Variants in AKT3 observed in about 807,000 individuals in gnomAD.
The protein encoded by AKT3 is RAC-gamma serine/threonine-protein kinase.
Under a neutral mutation model 65.3 loss-of-function variants are expected in AKT3, and 15 were observed. That is an observed-to-expected ratio of 0.23 (90% CI 0.15 to 0.35). The LOEUF (loss-of-function observed/expected upper bound fraction) is 0.35, where lower values mean the gene tolerates loss of function less well. Ranked by LOEUF, AKT3 falls within the 10% of genes least tolerant of loss-of-function variation. AKT3 has a pLI of 1.00. For synonymous variants in AKT3, 206 were observed against 183.8 expected (o/e 1.12, Z -0.98); for missense variants, 243 against 576.5 (o/e 0.42, Z 5.92).
intron 2 of AKT3, among the ~76,000 whole-genome samples, chr1:243,813,913 T>G (rs1297171844): frequency 6.6e-6 from 1 of 151,984 alleles, no homozygotes; most frequent in Admixed American, 6.6e-5. Context: ...AAGATTAGCC[T>G]GGACAATCTA....
intron 2 of AKT3, among the ~76,000 whole-genome samples, chr1:243,809,093 A>C (rs934370887): frequency 4.6e-5 from 7 of 152,200 alleles, no homozygotes; most frequent in African/African-American, 1.7e-4. Context: ...AATTGTAAAG[A>C]CCATCAATGC....
intron 13 of AKT3, among the ~76,000 whole-genome samples, chr1:243,511,650 C>G (rs1267931366): frequency 6.6e-6 from 1 of 152,212 alleles, no homozygotes; most frequent in Non-Finnish European, 1.5e-5. Context: ...ATGATACACA[C>G]AGACCTCTGT....
At chr1:243,745,193 C>T (rs1007484307) in intron 2 of AKT3, among the ~76,000 whole-genome samples, 5 of 151,772 alleles carry the variant, frequency 3.3e-5, no homozygotes, top group African/African-American at 9.7e-5. Context: ...TAAAAATTAG[C>T]CCGGCGTGGT....
At chr1:243,672,577 A>C (rs1416779589) in intron 3 of AKT3, among the ~76,000 whole-genome samples, 1 of 152,202 alleles carries the variant, frequency 6.6e-6, no homozygotes, top group Non-Finnish European at 1.5e-5. Context: ...TTCCCTCTAG[A>C]AGATGTTTTT....
In AKT3 at chr1:243,623,567, A is replaced by G. The variant is rs76987989; in HGVS notation, c.562-8406T>C. Among the ~76,000 whole-genome samples the G allele has an allele frequency of 2.8e-3, 430 of 152,208 alleles. 2 individuals carry two copies. The highest frequency in any genetic ancestry group is 0.01 in the Middle Eastern group (3 of 294). On this transcript the variant is annotated intron_variant, in intron 6 of 13. Coordinates refer to ENST00000673466, the MANE Select transcript of AKT3 (RefSeq NM_005465.7). ...GAAAAGGCACTCTCCTGGAATGGGG[A>G]CACTCCTCTTCTCCTGTCCTTGGAC...
chr1:243,587,825 A>G (rs1351991697), intron 8 of AKT3, among the ~76,000 whole-genome samples: 1 of 152,198 alleles, frequency 6.6e-6, no homozygotes, highest in Non-Finnish European at 1.5e-5. Flanking sequence ...TTTTTAGTTA[A>G]CTACTAGTTA....
At chr1:243,578,502 G>A (rs1675107742) in intron 8 of AKT3, among the ~76,000 whole-genome samples, 1 of 152,092 alleles carries the variant, frequency 6.6e-6, no homozygotes, top group Non-Finnish European at 1.5e-5. Flanking sequence ...ATGGGCACAG[G>A]GAGAACACCA....
chr1:243,526,726 A>G (rs1671110531), intron 12 of AKT3, among the ~76,000 whole-genome samples: 1 of 150,474 alleles, frequency 6.6e-6, no homozygotes. Flanking sequence ...AAATAAAGAC[A>G]TCATCCCATA....
intron 13 of AKT3, chr1:243,489,065 GCTC>G: frequency 6.2e-7 from 1 of 1,613,442 alleles, no homozygotes; most frequent in Non-Finnish European, 8.5e-7. Context: ...AGCTGGTGCA[GCTC>G]CTCAGCAAGC....
intron 4 of AKT3, among the ~76,000 whole-genome samples, chr1:243,658,773 C>T (rs1226757935): frequency 6.6e-6 from 1 of 150,916 alleles, no homozygotes. Flanking sequence ...GGCAGTGTGG[C>T]TCATGCCTGT....
chr1:243,534,122 AC>A (rs1265271420), intron 12 of AKT3, among the ~76,000 whole-genome samples: 1 of 152,212 alleles, frequency 6.6e-6, no homozygotes, highest in Non-Finnish European at 1.5e-5. Context: ...ACAAGATCTA[AC>A]TATATGGTCT....
At chr1:243,554,186 G>A (rs989079548) in intron 10 of AKT3, among the ~76,000 whole-genome samples, 1 of 151,998 alleles carries the variant, frequency 6.6e-6, no homozygotes, top group African/African-American at 2.4e-5. Flanking sequence ...CTTTGGTAGG[G>A]TATTTAAAGA....
chr1:243,841,368 T>C (rs1366042269), intron 2 of AKT3, among the ~76,000 whole-genome samples: 1 of 152,084 alleles, frequency 6.6e-6, no homozygotes, highest in African/African-American at 2.4e-5. Flanking sequence ...CAAAACCATC[T>C]TGTGAAAGCA....
At chr1:243,540,724 A>G (rs1366876193) in intron 12 of AKT3, among the ~76,000 whole-genome samples, 2 of 152,160 alleles carry the variant, frequency 1.3e-5, no homozygotes, top group East Asian at 1.9e-4. Context: ...AGGATCCCAC[A>G]TCGCAGTTAA....
At chr1:243,514,658 A>C (rs942510181) in intron 12 of AKT3, among the ~76,000 whole-genome samples, 14 of 152,208 alleles carry the variant, frequency 9.2e-5, no homozygotes, top group Admixed American at 8.5e-4. Flanking sequence ...TAAACAGCAC[A>C]CATTAAGAAT....
intron 6 of AKT3, among the ~76,000 whole-genome samples, chr1:243,633,172 G>A (rs993463493): frequency 4.6e-5 from 7 of 152,068 alleles, no homozygotes; most frequent in East Asian, 1.9e-4. Flanking sequence ...AAATGAGGGA[G>A]GTATCAAGAC....
chr1:243,720,131 T>C (rs1686785783), intron 2 of AKT3, among the ~76,000 whole-genome samples: 1 of 151,816 alleles, frequency 6.6e-6, no homozygotes, highest in Non-Finnish European at 1.5e-5. Context: ...TGACCCCATC[T>C]CTACTAAAAA....
At chr1:243,550,652 T>C (rs909927207) in intron 11 of AKT3, among the ~76,000 whole-genome samples, 3 of 150,936 alleles carry the variant, frequency 2.0e-5, no homozygotes, top group East Asian at 1.9e-4. Flanking sequence ...AAAAATGAAA[T>C]AGATAAAAGT....
intron 2 of AKT3, among the ~76,000 whole-genome samples, chr1:243,818,563 G>T (rs940057378): frequency 1.3e-5 from 2 of 151,946 alleles, no homozygotes; most frequent in Non-Finnish European, 2.9e-5. Context: ...AAAATGGCTT[G>T]GTGTTGAATA....
Sources: gnomAD v4.1 joint callset for allele counts (sites outside exome capture counted in the v4.1 genomes callset) on GRCh38, gnomAD v4.1.1 for gene constraint, MANE v1.5 for transcripts, NCBI Gene and HGNC (gene_info 2026-07-23, HGNC 2026-07-21) for gene names.